Variants in COX5B observed in about 807,000 individuals in gnomAD.
The protein encoded by COX5B is cytochrome c oxidase subunit 5B.
Under a neutral mutation model 16.2 loss-of-function variants are expected in COX5B, and 8 were observed. The ratio of observed to expected loss-of-function variants is 0.49; its 90% confidence interval spans 0.29 to 0.89. The LOEUF (loss-of-function observed/expected upper bound fraction) is 0.89. Among genes scored for constraint, COX5B ranks in the 40% least tolerant of loss-of-function variants. The probability of loss-of-function intolerance (pLI) is 0.08; values close to 1 mark genes in which losing one functional copy is unlikely to be tolerated. For synonymous variants in COX5B, 65 were observed against 67.6 expected, an observed-to-expected ratio of 0.96 and a Z score of 0.19; for missense variants, 161 against 168.7, an observed-to-expected ratio of 0.95 and a Z score of 0.25.
chr2:97,646,123 G>T lies in COX5B; in HGVS notation c.37G>T (p.Ala13Ser). The change falls in exon 1 of 4, where the codon GCC becomes TCC. Residue 13 changes from alanine (A) to serine (S), a missense_variant. Physicochemically the swap from Ala to Ser is moderately conservative, Grantham distance 99 (BLOSUM62 1). Transcript: ENST00000258424. ...GTTACTTCGCGGAGCTGGAACGCTG[G>T]CCGCGCAGGCCCTGAGGGCTCGCGG... is the stretch of plus-strand genomic sequence containing the variant. Reference protein sequence around the residue: ...SRLLRGAGTLAAQALRARGPS... With the variant: ...SRLLRGAGTLSAQALRARGPS... 1 of 1,557,488 alleles carries T rather than the reference G, an allele frequency of 6.4e-7. No individual in the cohort carries two copies. Among genetic ancestry groups the T allele is most frequent in the Non-Finnish European group, 8.7e-7 (1 of 1,150,412 alleles).
chr2:97,646,468 C>A, intron 1 of COX5B: 1 of 437,960 alleles, frequency 2.3e-6, no homozygotes, highest in Non-Finnish European at 4.1e-6. Flanking sequence ...TCCGGCCTCC[C>A]TTCAAACCTG....
At position 97,646,772 on chromosome 2, in the gene COX5B, C is replaced by T. The variant is rs185545959; in HGVS notation, c.104-295C>T. 6.2e-5 allele frequency: 18 copies of T among 291,234 alleles called. No homozygotes were observed. The East Asian group carries it at 8.8e-4, about 14-fold the overall frequency. The allele number at this position is 291,234 out of a possible 1,614,324, so 18.0% of individuals were successfully genotyped here. A position where few individuals can be genotyped will look rare whatever the true frequency, so the allele number is the denominator to read the frequency against. On this transcript the variant is annotated intron_variant, in intron 1 of 3. Transcript: ENST00000258424. ...CTGAGGCAGGAGAATCGCTTAAACC[C>T]GGGAGGCGGAGGTTCCCGTGAGCCA...
Position 97,648,345 on chromosome 2 carries a change from G to A in COX5B, c.*237G>A, listed in dbSNP as rs765809544. ...CTTAGATTAATAATAAGAATAGATC[G>A]ACAACCCGTAATGCAATGAATGGGA... On this transcript the variant is annotated 3_prime_UTR_variant, in exon 4 of 4. Transcript: ENST00000258424. 209 of 430,848 alleles carry A rather than the reference G, an allele frequency of 4.9e-4. No homozygotes were observed. The highest frequency in any genetic ancestry group is 7.0e-4 in the Non-Finnish European group (172 of 246,856). The allele number at this position is 430,848 out of a possible 1,614,324, so 26.7% of individuals were successfully genotyped here.
At position 97,647,406 on chromosome 2, in the gene COX5B, CCCCTCCATCT is replaced by C. The variant is rs1242595480; in HGVS notation, c.243_252del (p.Ser82ThrfsTer4). ...GCACCAGGGAAGACCCTAATTTAGT[CCCCTCCATCT>C]CCAACAAGAGAATAGTAGGCTGCAT... On this transcript the variant is annotated frameshift_variant, in exon 3 of 4. Coordinates refer to ENST00000258424, the MANE Select transcript of COX5B (RefSeq NM_001862.3). LOFTEE classifies it high-confidence loss of function. The C allele has an allele frequency of 6.2e-7, 1 of 1,613,988 alleles. No individual in the cohort carries two copies. The highest frequency in any genetic ancestry group is 8.5e-7 in the Non-Finnish European group (1 of 1,179,996).
Position 97,646,207 on chromosome 2 carries a change from C to T in COX5B, c.103+18C>T. On this transcript the variant is annotated intron_variant, in intron 1 of 3. Transcript: ENST00000258424. ...ATCTGGAGGTACTCGGGTCTCCGGG[C>T]GTGCCAGGGACCAGAGTGTTGCCCT... is the stretch of plus-strand genomic sequence containing the variant. 6.6e-7 allele frequency: 1 copy of T among 1,508,916 alleles called. No homozygotes were observed. The highest frequency in any genetic ancestry group is 9.0e-7 in the Non-Finnish European group (1 of 1,116,932). The allele number at this position is 1,508,916 out of a possible 1,614,324, so 93.5% of individuals were successfully genotyped here.
intron 3 of COX5B, among the ~76,000 whole-genome samples, chr2:97,647,650 A>G (rs886842023): frequency 6.6e-6 from 1 of 152,228 alleles, no homozygotes; most frequent in African/African-American, 2.4e-5. Flanking sequence ...GGAGTGCGGC[A>G]TGAAGGAGTA....
chr2:97,646,073 T>A lies in COX5B; in HGVS notation c.-14T>A. 3 of 1,549,408 alleles carry A rather than the reference T, an allele frequency of 1.9e-6. No homozygotes were observed. Among genetic ancestry groups the A allele is most frequent in the Non-Finnish European group, 2.6e-6 (3 of 1,144,640 alleles). The stretch of plus-strand genomic sequence containing the variant: ...AGCTTGTTCCCGGAAGTTTTGCTGC[T>A]AGTCGCGGACGCAATGGCTTCAAGG... On this transcript the variant is annotated 5_prime_UTR_variant, in exon 1 of 4. Transcript: ENST00000258424.
intron 3 of COX5B, 72 bp from the exon 4 acceptor site, chr2:97,647,924 G>A: frequency 7.5e-7 from 1 of 1,330,662 alleles, no homozygotes; most frequent in Non-Finnish European, 1.1e-6. Context: ...AGATGTCTGA[G>A]GAAAAGAAAT....
rs1246880260 is a variant in COX5B, at chr2:97,647,986, T to C, written c.278-10T>C. 6.2e-7 allele frequency: 1 copy of C among 1,611,902 alleles called. No homozygotes were observed. Among genetic ancestry groups the C allele is most frequent in the Non-Finnish European group, 8.5e-7 (1 of 1,179,348 alleles). On this transcript the variant is annotated splice_polypyrimidine_tract_variant and intron_variant, in intron 3 of 3. Coordinates refer to ENST00000258424, the MANE Select transcript of COX5B (RefSeq NM_001862.3). ...TTGGATGACCATAAACCACCTTTTT[T>C]CCCTTTTAGGTGAAGAGGACAATAC...
At position 97,647,437 on chromosome 2, in the gene COX5B, T is replaced by G; in HGVS notation, c.271T>G (p.Cys91Gly). ...PSISNKRIVG[C>G]ICEEDNTSVV... ...CATCTCCAACAAGAGAATAGTAGGCTGCATCTGTAAGTACCTCACCTCTAT... is the reference window on the plus strand; with the variant it reads ...CATCTCCAACAAGAGAATAGTAGGCGGCATCTGTAAGTACCTCACCTCTAT... The change falls in exon 3 of 4, where the codon TGC (cysteine) becomes GGC (glycine). Residue 91 changes from cysteine to glycine, a missense_variant. Physicochemically the swap from Cys to Gly is radical, Grantham distance 159. Transcript: ENST00000258424. 1 of 1,613,182 alleles carries G rather than the reference T, an allele frequency of 6.2e-7. No individual in the cohort carries two copies. The highest frequency in any genetic ancestry group is 8.5e-7 in the Non-Finnish European group (1 of 1,179,256).
Position 97,647,207 on chromosome 2 carries a change from C to A in COX5B, c.177+67C>A. On this transcript the variant is annotated intron_variant, in intron 2 of 3. Transcript: ENST00000258424. ...GCCTTGGATGTGTTCATAGTGGTCTCCTCTCTGGGAGTATTTGATACAGGA... is the reference window on the plus strand; with the variant it reads ...GCCTTGGATGTGTTCATAGTGGTCTACTCTCTGGGAGTATTTGATACAGGA... 1.9e-6 allele frequency: 3 copies of A among 1,560,704 alleles called. No individual in the cohort carries two copies. The East Asian group carries it at 6.7e-5, about 35-fold the overall frequency.
intron 2 of COX5B, 56 bp downstream of exon 2, chr2:97,647,196 C>A: frequency 6.4e-7 from 1 of 1,574,198 alleles, no homozygotes; most frequent in South Asian, 1.1e-5. Flanking sequence ...TGGATGTGTT[C>A]ATAGTGGTCT....
At chr2:97,646,461 G>A in intron 1 of COX5B, 1 of 457,172 alleles carries the variant, frequency 2.2e-6, no homozygotes, top group East Asian at 3.8e-5. Flanking sequence ...GGAGGGGTCC[G>A]GCCTCCCTTC....
intron 3 of COX5B, 106 bp from the exon 4 acceptor site, chr2:97,647,890 A>T (rs1674685806): frequency 3.1e-6 from 3 of 957,072 alleles, no homozygotes; most frequent in African/African-American, 1.6e-5. Flanking sequence ...TAAGATATCA[A>T]CCATAGTCTT....
At position 97,647,314 on chromosome 2, in the gene COX5B, G is replaced by T. The variant is rs779446063; in HGVS notation, c.178-30G>T. ...TAATGGTTCAATTCTTGTTTTTTTT[G>T]TTTTGTTTTGTTTTTTGTTTTTTCT... On this transcript the variant is annotated intron_variant, in intron 2 of 3. Transcript: ENST00000258424. The T allele has an allele frequency of 3.1e-6, 5 of 1,590,814 alleles. No homozygotes were observed. The African/African-American group carries it at 4.1e-5, about 13-fold the overall frequency.
At chr2:97,647,897 T>C in intron 3 of COX5B, 99 bp from the exon 4 acceptor site, 1 of 1,000,874 alleles carries the variant, frequency 1.0e-6, no homozygotes, top group Non-Finnish European at 1.5e-6. Context: ...TCAACCATAG[T>C]CTTACTTGTG....
intron 1 of COX5B, chr2:97,646,458 T>C (rs1046358852): frequency 4.8e-5 from 22 of 457,838 alleles, no homozygotes; most frequent in Admixed American, 4.0e-5. Flanking sequence ...TGGGGAGGGG[T>C]CCGGCCTCCC....
chr2:97,646,145 G>T lies in COX5B; in HGVS notation c.59G>T (p.Arg20Leu). 1 of 1,556,160 alleles carries T rather than the reference G, an allele frequency of 6.4e-7. No individual in the cohort carries two copies. The highest frequency in any genetic ancestry group is 8.7e-7 in the Non-Finnish European group (1 of 1,149,798). ...GTLAAQALRARGPSGAAAMRS... is the reference protein window; with the variant it reads ...GTLAAQALRALGPSGAAAMRS... ...CTGGCCGCGCAGGCCCTGAGGGCTC[G>T]CGGCCCCAGTGGCGCGGCCGCGATG... Residue 20 changes from arginine to leucine, a missense_variant, in exon 1 of 4, where the codon CGC (arginine) becomes CTC (leucine). Transcript: ENST00000258424.
Position 97,647,377 on chromosome 2 carries a change from T to C in COX5B, c.211T>C (p.Ser71Pro), listed in dbSNP as rs1674677852. The C allele has an allele frequency of 6.2e-7, 1 of 1,614,152 alleles. No homozygotes were observed. Among genetic ancestry groups the C allele is most frequent in the Non-Finnish European group, 8.5e-7 (1 of 1,180,014 alleles). Reference sequence around the variant, plus strand: ...CAATGTACTGGCCCCAAAGGGAGCTTCAGGCACCAGGGAAGACCCTAATTT... The same window carrying C: ...CAATGTACTGGCCCCAAAGGGAGCTCCAGGCACCAGGGAAGACCCTAATTT... ...PYNVLAPKGA[S>P]GTREDPNLVP... The change falls in exon 3 of 4, where the codon TCA (serine) becomes CCA (proline). Residue 71 changes from serine (S) to proline (P), a missense_variant. Ser to Pro is a moderately conservative substitution (Grantham distance 74, BLOSUM62 -1). Coordinates refer to ENST00000258424, the MANE Select transcript of COX5B (RefSeq NM_001862.3).
Sources: allele counts gnomAD v4.1 joint callset (sites outside exome capture counted in the v4.1 genomes callset), GRCh38; gene constraint gnomAD v4.1.1; transcripts MANE v1.5; gene names NCBI Gene and HGNC (gene_info 2026-07-23, HGNC 2026-07-21).